Variants in PPP4R1 observed in about 807,000 individuals in gnomAD.
PPP4R1 encodes the protein protein phosphatase 4 regulatory subunit 1, also known as serine/threonine-protein phosphatase 4 regulatory subunit 1.
A neutral mutation model predicts 111.2 loss-of-function variants in PPP4R1; 42 were observed. That is an observed-to-expected ratio of 0.38 (90% CI 0.29 to 0.49). The LOEUF is 0.49. Among genes scored for constraint, PPP4R1 ranks in the 20% least tolerant of loss-of-function variants. The pLI, the probability that PPP4R1 is intolerant of heterozygous loss-of-function variation, is 0.97. For missense variants in PPP4R1, 1,012 were observed against 1,161.6 expected (o/e 0.87, Z 1.87); for synonymous variants, 409 against 405.5 (o/e 1.01, Z -0.10).
chr18:9,566,073 G>A (rs1479928733), intron 11 of PPP4R1, among the ~76,000 whole-genome samples: 1 of 151,900 alleles, frequency 6.6e-6, no homozygotes, highest in African/African-American at 2.4e-5. Context: ...ATCATGCCCA[G>A]TTAATTTTTG....
intron 10 of PPP4R1, 132 bp downstream of exon 10, chr18:9,576,932 A>G: frequency 1.1e-6 from 1 of 941,826 alleles, no homozygotes; most frequent in Middle Eastern, 3.5e-4. Context: ...AATATTCACC[A>G]ATTTTTATAT....
intron 10 of PPP4R1, among the ~76,000 whole-genome samples, 192 bp from the exon 11 acceptor site, chr18:9,570,875 G>A (rs1484137518): frequency 6.6e-6 from 1 of 152,148 alleles, no homozygotes; most frequent in East Asian, 1.9e-4. Flanking sequence ...GTTCAAAGAT[G>A]TAAATACCTG....
intron 2 of PPP4R1, among the ~76,000 whole-genome samples, chr18:9,598,270 C>T (rs28849708): frequency 6.6e-6 from 1 of 152,024 alleles, no homozygotes; most frequent in Admixed American, 6.6e-5. Context: ...AAATAATGGA[C>T]AAAATTTTCC....
At chr18:9,586,835 C>G (rs1008420135) in intron 6 of PPP4R1, among the ~76,000 whole-genome samples, 5 of 152,276 alleles carry the variant, frequency 3.3e-5, no homozygotes, top group African/African-American at 1.2e-4. Context: ...AACTCAGGAA[C>G]CAGATGTGAA....
chr18:9,605,566 C>CAA lies in PPP4R1; in HGVS notation c.52+8658_52+8659dup, dbSNP rs34208690. Among the ~76,000 whole-genome samples the CAA allele has an allele frequency of 2.6e-3, 176 of 67,616 alleles. 6 individuals carry two copies. The highest frequency in any genetic ancestry group is 1.0e-2 in the African/African-American group (169 of 16,964). The allele number at this position is 67,616 out of a possible 152,430, so 44.4% of individuals were successfully genotyped here. On this transcript the variant is annotated intron_variant, in intron 2 of 19. Coordinates refer to ENST00000400556, the MANE Select transcript of PPP4R1 (RefSeq NM_001042388.3). ...ACTATCACTTATGTAGCAGTCCTGT[C>CAA]AAAAAAAAAAAAAAAAAAAAAAAAA...
chr18:9,587,407 T>G (rs966619308), intron 6 of PPP4R1: 2 of 145,082 alleles, frequency 1.4e-5, no homozygotes, highest in African/African-American at 5.3e-5. Flanking sequence ...TTTTTTTTTT[T>G]GTTTTGTTTT....
At chr18:9,557,423 A>G in intron 14 of PPP4R1, 41 bp from the exon 15 acceptor site, 1 of 1,529,760 alleles carries the variant, frequency 6.5e-7, no homozygotes, top group East Asian at 2.3e-5. Flanking sequence ...ACCACAAAGT[A>G]CGCAGTACTT....
chr18:9,555,564 G>A (rs745541498), intron 15 of PPP4R1, among the ~76,000 whole-genome samples: 6 of 152,120 alleles, frequency 3.9e-5, no homozygotes, highest in East Asian at 3.8e-4. Context: ...GATGGGAAGA[G>A]CCAACACCAC....
At chr18:9,549,583 C>A (rs2066456032) in intron 18 of PPP4R1, among the ~76,000 whole-genome samples, 1 of 152,212 alleles carries the variant, frequency 6.6e-6, no homozygotes, top group Admixed American at 6.5e-5. Context: ...CATTTTCACA[C>A]CTGCGCTCTG....
At chr18:9,563,041 G>A (rs2066703605) in intron 12 of PPP4R1, 41 of 1,035,846 alleles carry the variant, frequency 4.0e-5, no homozygotes, top group Non-Finnish European at 4.6e-5. Flanking sequence ...CAGAAACAAA[G>A]CACCTCTCCA....
At chr18:9,598,126 C>G (rs2067319845) in intron 2 of PPP4R1, among the ~76,000 whole-genome samples, 1 of 151,844 alleles carries the variant, frequency 6.6e-6, no homozygotes, top group Non-Finnish European at 1.5e-5. Flanking sequence ...GAAAAATATC[C>G]TAAATGAAAC....
intron 5 of PPP4R1, 74 bp from the exon 6 acceptor site, chr18:9,588,309 CAA>C (rs753216492): frequency 1.8e-5 from 27 of 1,474,970 alleles, no homozygotes; most frequent in Non-Finnish European, 2.5e-5. Context: ...TTTTTATAAA[CAA>C]AGATTTCTCA....
chr18:9,566,626 G>A (rs2066770118), intron 11 of PPP4R1, among the ~76,000 whole-genome samples: 1 of 150,474 alleles, frequency 6.6e-6, no homozygotes, highest in Admixed American at 6.7e-5. Flanking sequence ...ACTCCAGCCT[G>A]GGTGACGGAG....
chr18:9,597,977 C>G (rs55841197), intron 2 of PPP4R1, among the ~76,000 whole-genome samples: 25,163 of 151,512 alleles, frequency 0.17, 2,914 homozygotes, highest in African/African-American at 0.33. Context: ...ATGTTAAGAA[C>G]AGAGATGGAA....
chr18:9,564,902 G>C (rs1222691870), intron 11 of PPP4R1, among the ~76,000 whole-genome samples: 1 of 151,598 alleles, frequency 6.6e-6, no homozygotes, highest in African/African-American at 2.4e-5. Context: ...CTATTCACAA[G>C]GCATGATCAT....
At chr18:9,590,965 G>A (rs2067201400) in intron 4 of PPP4R1, among the ~76,000 whole-genome samples, 1 of 152,098 alleles carries the variant, frequency 6.6e-6, no homozygotes. Flanking sequence ...ACACATAAAT[G>A]ACATACGGCT....
intron 3 of PPP4R1, chr18:9,594,783 G>T: frequency 2.3e-6 from 1 of 431,126 alleles, no homozygotes; most frequent in Non-Finnish European, 4.0e-6. Context: ...TGGCAGAAAA[G>T]CAATGGTAAT....
At chr18:9,559,959 A>G (rs899381058) in intron 13 of PPP4R1, among the ~76,000 whole-genome samples, 9 of 152,222 alleles carry the variant, frequency 5.9e-5, no homozygotes, top group African/African-American at 2.2e-4. Context: ...GCAAATGCAG[A>G]ATAACAGGTG....
In PPP4R1 at chr18:9,570,184, GCTCT is replaced by G. The variant is rs747042124; in HGVS notation, c.1542_1545del (p.Glu515ProfsTer33). On this transcript the variant is annotated frameshift_variant, in exon 11 of 20. Coordinates refer to ENST00000400556, the MANE Select transcript of PPP4R1 (RefSeq NM_001042388.3). LOFTEE classifies it high-confidence loss of function. ...TTAACATCTGGATCATCAATGTGGG[GCTCT>G]AGATTTTCTATCATTTCTTCCAGTT... The G allele has an allele frequency of 2.6e-6, 4 of 1,535,484 alleles. No individual in the cohort carries two copies. Among genetic ancestry groups the G allele is most frequent in the Non-Finnish European group, 3.5e-6 (4 of 1,143,174 alleles).
Sources: allele counts gnomAD v4.1 joint callset (sites outside exome capture counted in the v4.1 genomes callset), GRCh38; gene constraint gnomAD v4.1.1; transcripts MANE v1.5; gene names NCBI Gene and HGNC (gene_info 2026-07-23, HGNC 2026-07-21).